The following UGDH variants were observed in gnomAD, a reference collection of about 807,000 sequenced individuals.
The protein encoded by UGDH is UDP-Glc dehydrogenase.
In UGDH, 38 loss-of-function variants were observed where a neutral mutation model predicts 50.6. The ratio of observed to expected loss-of-function variants is 0.75; its 90% CI spans 0.58 to 0.98. UGDH has a LOEUF of 0.98. UGDH is among the 50% of genes least tolerant of loss of function. The pLI, the probability that UGDH is intolerant of heterozygous loss-of-function variation, is 0.00. For missense variants in UGDH, 465 were observed against 606.2 expected (o/e 0.77, Z 2.45); for synonymous variants, 168 against 199.9 (o/e 0.84, Z 1.35).
chr4:39,516,451 T>C lies in UGDH; in HGVS notation c.163-2267A>G, dbSNP rs369728239. Among the ~76,000 whole-genome samples the C allele has an allele frequency of 7.9e-5, 12 of 152,302 alleles. No individual in the cohort carries two copies. In the East Asian group the frequency reaches 1.9e-3, roughly 24 times the overall value. On this transcript the variant is annotated intron_variant, in intron 2 of 11. Transcript: ENST00000316423. ...CATTGTACTGTTATCTTTAATTACA[T>C]GCTTGAAATCTTCCACAACAAAAAG...
chr4:39,505,509 A>G, intron 8 of UGDH, 109 bp downstream of exon 8: 1 of 1,108,510 alleles, frequency 9.0e-7, no homozygotes, highest in Non-Finnish European at 1.2e-6. Context: ...TTTATTCTTT[A>G]TATTTTATAT....
chr4:39,504,577 C>G, intron 9 of UGDH, 69 bp from the exon 10 acceptor site: 2 of 1,352,656 alleles, frequency 1.5e-6, no homozygotes, highest in Non-Finnish European at 2.1e-6. Context: ...GTAGTTCCCC[C>G]CTTATCTGCA....
At chr4:39,524,171 AG>A (rs997075817) in intron 1 of UGDH, among the ~76,000 whole-genome samples, 16 of 152,198 alleles carry the variant, frequency 1.1e-4, no homozygotes, top group Admixed American at 2.6e-4. Context: ...CCTAGCCAAA[AG>A]GTTATTAGGG....
chr4:39,513,610 C>G (rs1235426341), intron 3 of UGDH, among the ~76,000 whole-genome samples: 1 of 142,358 alleles, frequency 7.0e-6, no homozygotes, highest in African/African-American at 2.6e-5. Context: ...GATCTCGGCT[C>G]ACTGCAACCT....
Position 39,510,871 on chromosome 4 carries a change from G to A in UGDH, c.265-10C>T. Reference sequence around the variant, plus strand: ...TTGTTGGAGTATTCACCTGATGTAAGTATATGGGATAAAGAACAGAGTGCC... The same window carrying A: ...TTGTTGGAGTATTCACCTGATGTAAATATATGGGATAAAGAACAGAGTGCC... On this transcript the variant is annotated splice_polypyrimidine_tract_variant and intron_variant, in intron 3 of 11. Transcript: ENST00000316423. The A allele has an allele frequency of 2.2e-5, 35 of 1,613,966 alleles. No homozygotes were observed. Among genetic ancestry groups the A allele is most frequent in the Non-Finnish European group, 3.0e-5 (35 of 1,179,928 alleles).
intron 1 of UGDH, among the ~76,000 whole-genome samples, chr4:39,522,764 C>CTTTT: frequency 7.5e-6 from 1 of 133,730 alleles, no homozygotes; most frequent in Admixed American, 7.6e-5. Context: ...TCCCTCATGA[C>CTTTT]TTTTTTTTTT....
intron 1 of UGDH, chr4:39,526,996 C>G: frequency 7.8e-7 from 1 of 1,288,732 alleles, no homozygotes; most frequent in Non-Finnish European, 1.0e-6. Flanking sequence ...GCAGGGAAAT[C>G]TCATCCAAGT....
chr4:39,504,068 G>T, intron 10 of UGDH, 83 bp from the exon 11 acceptor site: 1 of 1,173,552 alleles, frequency 8.5e-7, no homozygotes, highest in Non-Finnish European at 1.2e-6. Context: ...CAGCACTTTG[G>T]GAGGCCAAGA....
chr4:39,513,726 G>A (rs985793793), intron 3 of UGDH, among the ~76,000 whole-genome samples: 3 of 151,544 alleles, frequency 2.0e-5, no homozygotes, highest in Non-Finnish European at 2.9e-5. Context: ...TAGTAGAGAC[G>A]GGGTTTCACC....
At chr4:39,525,235 C>A (rs10026148) in intron 1 of UGDH, among the ~76,000 whole-genome samples, 20,898 of 152,196 alleles carry the variant, frequency 0.14, 2,930 homozygotes, top group African/African-American at 0.35. Flanking sequence ...TCACTGTCAC[C>A]GAGGCTGGAG....
chr4:39,519,689 C>T (rs1289491975), intron 2 of UGDH, among the ~76,000 whole-genome samples: 2 of 151,916 alleles, frequency 1.3e-5, no homozygotes, highest in African/African-American at 2.4e-5. Context: ...TAGGTGCGCA[C>T]CACTGCACCC....
Position 39,519,169 on chromosome 4 carries a change from G to A in UGDH, c.162+2182C>T, listed in dbSNP as rs562668948. On this transcript the variant is annotated intron_variant, in intron 2 of 11. Coordinates refer to ENST00000316423, the MANE Select transcript of UGDH (RefSeq NM_003359.4). ...TGACCTGAAGTGAACTGCTCACCTC[G>A]GCTTCCCAAAGTGCAGGGATTACAG... Among the ~76,000 whole-genome samples the A allele has an allele frequency of 1.6e-4, 25 of 151,582 alleles. No individual in the cohort carries two copies. In the East Asian group the frequency reaches 2.0e-3, roughly 12 times the overall value.
chr4:39,504,573 C>T, intron 9 of UGDH, 65 bp from the exon 10 acceptor site: 2 of 1,363,328 alleles, frequency 1.5e-6, no homozygotes, highest in Non-Finnish European at 2.1e-6. Flanking sequence ...TACAGTAGTT[C>T]CCCCCTTATC....
chr4:39,508,725 A>G (rs1390761552), intron 6 of UGDH, 65 bp from the exon 7 acceptor site: 2 of 1,372,778 alleles, frequency 1.5e-6, no homozygotes, highest in African/African-American at 3.1e-5. Context: ...CATGTGACAA[A>G]TTTCTTTATA....
rs151116497 is a variant in UGDH at position 39,514,186 on chromosome 4, TAAAAAGA to T, written c.163-9_163-3del. On this transcript the variant is annotated splice_polypyrimidine_tract_variant and splice_region_variant and intron_variant, in intron 2 of 11. Transcript: ENST00000316423. The stretch of plus-strand genomic sequence containing the variant: ...TTCTACCACTTCTTTTAGTCCTGGC[TAAAAAGA>T]AAAAAGAAAAGGAATTGTACATATA... 0.055 allele frequency: 86,897 copies of T among 1,576,458 alleles called. 7,173 individuals carry two copies. The highest frequency in any genetic ancestry group is 0.35 in the African/African-American group (25,051 of 71,704).
chr4:39,509,753 AATTT>A lies in UGDH; in HGVS notation c.811+3_811+6del. 1.3e-6 allele frequency: 2 copies of A among 1,596,270 alleles called. No individual in the cohort carries two copies. The highest frequency in any genetic ancestry group is 1.7e-6 in the Non-Finnish European group (2 of 1,175,658). ...GCTCTTTCTACTAGAGAAAAATTTG[AATTT>A]ACCAACACTGGCTTTTAGAAACTTG... On this transcript the variant is annotated splice_donor_5th_base_variant and intron_variant, in intron 6 of 11. Coordinates refer to ENST00000316423, the MANE Select transcript of UGDH (RefSeq NM_003359.4).
intron 3 of UGDH, 60 bp downstream of exon 3, chr4:39,514,023 A>G: frequency 7.4e-7 from 1 of 1,359,298 alleles, no homozygotes; most frequent in Non-Finnish European, 1.0e-6. Context: ...TTAAAGTATG[A>G]TGAAACTTTT....
rs777312314 is a variant in UGDH at position 39,504,527 on chromosome 4, C to CA, written c.1172-20dup. The stretch of plus-strand genomic sequence containing the variant: ...CGGGACACTGTAACAATAGCAACAA[C>CA]AAAAAAACAGAAATAAGAAAGGAGT... On this transcript the variant is annotated intron_variant, in intron 9 of 11. Coordinates refer to ENST00000316423, the MANE Select transcript of UGDH (RefSeq NM_003359.4). 60 of 1,602,650 alleles carry CA rather than the reference C, an allele frequency of 3.7e-5. No homozygotes were observed. The highest frequency in any genetic ancestry group is 2.6e-6 in the Non-Finnish European group (3 of 1,171,624).
intron 2 of UGDH, among the ~76,000 whole-genome samples, chr4:39,516,238 C>T (rs938316642): frequency 2.0e-5 from 3 of 152,042 alleles, no homozygotes; most frequent in Admixed American, 6.6e-5. Context: ...GAGCCAAGAT[C>T]GGGCCACTGC....
Sources: allele counts gnomAD v4.1 joint callset (sites outside exome capture counted in the v4.1 genomes callset), GRCh38; gene constraint gnomAD v4.1.1; transcripts MANE v1.5; gene names NCBI Gene and HGNC (gene_info 2026-07-23, HGNC 2026-07-21).